The following RGPD1 variants were observed in gnomAD, a reference collection of about 807,000 sequenced individuals.
RGPD1 encodes RANBP2-like and GRIP domain-containing protein 1.
RGPD1 carries 7 observed loss-of-function variants against 40.6 expected under a neutral mutation model. The ratio of observed to expected loss-of-function variants is 0.17; its 90% confidence interval spans 0.10 to 0.32. RGPD1 has a LOEUF of 0.32. Among genes scored for constraint, RGPD1 ranks in the 10% least tolerant of loss-of-function variants. RGPD1 has a pLI of 1.00. For synonymous variants in RGPD1, 24 were observed against 167.0 expected (o/e 0.14, Z 6.60); for missense variants, 50 against 472.5 (o/e 0.11, Z 8.29).
intron 1 of RGPD1, among the ~76,000 whole-genome samples, chr2:86,942,829 C>G (rs990714468): frequency 1.3e-5 from 2 of 151,998 alleles, no homozygotes; most frequent in African/African-American, 2.4e-5. Context: ...CTTGCAAGCG[C>G]AGGAAGAGTC....
chr2:86,943,822 C>T (rs1302520551), intron 1 of RGPD1, among the ~76,000 whole-genome samples: 2 of 152,042 alleles, frequency 1.3e-5, no homozygotes, highest in African/African-American at 4.8e-5. Flanking sequence ...ACCAACCTGG[C>T]TAACATGTCG....
In RGPD1 at chr2:86,923,043, T is replaced by C. The variant is rs1324430183; in HGVS notation, c.72+9122T>C. On this transcript the variant is annotated intron_variant, in intron 1 of 22. Coordinates refer to the RGPD1 transcript ENST00000398193. ...TTCCATGGTATATTCCTTTTTTTTTTTTTTTTTTTTTTGAGACGGAGTATC... is the reference window on the plus strand; with the variant it reads ...TTCCATGGTATATTCCTTTTTTTTTCTTTTTTTTTTTTGAGACGGAGTATC... Among the ~76,000 whole-genome samples, 3 of 119,494 alleles carry C rather than the reference T, an allele frequency of 2.5e-5. 1 individual carries two copies. The highest frequency in any genetic ancestry group is 9.5e-5 in the African/African-American group (3 of 31,592). 78.4% of individuals were successfully genotyped at this position (119,494 alleles called of 152,430 possible).
At chr2:86,913,692 C>T (rs1227654886), upstream of RGPD1, 18 of 1,321,894 alleles carry the variant, frequency 1.4e-5, no homozygotes, top group South Asian at 1.1e-4. Flanking sequence ...GCGCCGACGT[C>T]GCCAAGGATA....
At position 86,962,549 on chromosome 2, in the gene RGPD1, G is replaced by A. The variant is rs1474811789; in HGVS notation, c.780-480G>A. Among the ~76,000 whole-genome samples, 203 of 117,074 alleles carry A rather than the reference G, an allele frequency of 1.7e-3. 1 individual carries two copies. The highest frequency in any genetic ancestry group is 8.1e-3 in the African/African-American group (194 of 23,966). The allele number at this position is 117,074 out of a possible 152,430, so 76.8% of individuals were successfully genotyped here. A position where few individuals can be genotyped will look rare whatever the true frequency, so the allele number is the denominator to read the frequency against. ...AAAAAAAAAAGACAATTTATTTAAC[G>A]CTGTAATGATCTATATAGTAAAAAG... On this transcript the variant is annotated intron_variant, in intron 6 of 22. Coordinates refer to ENST00000641458, the MANE Select transcript of RGPD1 (RefSeq NM_001382344.1).
chr2:86,931,888 GGTA>G (rs1678994926), intron 1 of RGPD1, among the ~76,000 whole-genome samples: 2 of 147,730 alleles, frequency 1.4e-5, no homozygotes, highest in Admixed American at 6.8e-5. Context: ...AACTTCATTT[GGTA>G]GTTAGACATA....
chr2:86,915,073 A>G (rs1172593032), intron 1 of RGPD1, among the ~76,000 whole-genome samples: 1 of 149,858 alleles, frequency 6.7e-6, no homozygotes, highest in African/African-American at 2.4e-5. Context: ...AGGCAGGTGG[A>G]TCGCTTGAGG....
upstream of RGPD1, among the ~76,000 whole-genome samples, chr2:86,937,369 G>A (rs1256790309): frequency 2.0e-5 from 3 of 151,830 alleles, no homozygotes; most frequent in Non-Finnish European, 2.9e-5. Context: ...TAGCCAAATT[G>A]TCTTTTCTTT....
At chr2:86,913,671 G>A (rs1385898037), upstream of RGPD1, 56 of 1,293,574 alleles carry the variant, frequency 4.3e-5, 5 homozygotes, top group South Asian at 5.7e-4. Flanking sequence ...GCCCGGCCGA[G>A]TGCAGCTGGA....
At chr2:86,925,170 A>G (rs1167965074) in intron 1 of RGPD1, among the ~76,000 whole-genome samples, 1 of 152,190 alleles carries the variant, frequency 6.6e-6, no homozygotes, top group East Asian at 1.9e-4. Context: ...TCTAGACATG[A>G]GTTCTTGACC....
At chr2:86,918,690 A>T (rs1677915261) in intron 1 of RGPD1, among the ~76,000 whole-genome samples, 1 of 145,814 alleles carries the variant, frequency 6.9e-6, no homozygotes, top group African/African-American at 2.6e-5. Flanking sequence ...CGATCTCCTG[A>T]CCTCGTGATC....
chr2:86,932,106 G>GA (rs1415511599), intron 1 of RGPD1, among the ~76,000 whole-genome samples: 5 of 139,950 alleles, frequency 3.6e-5, no homozygotes, highest in African/African-American at 1.3e-4. Context: ...AGCTGAGTGA[G>GA]AACCACAGCC....
At position 87,013,446 on chromosome 2, in the gene RGPD1, T is replaced by C. The variant is rs573389705; in HGVS notation, c.*899T>C. ...TCAGACAGGGGGGTTACAGGAAATA[T>C]TCAAGTAAACAATATAAAATGAGAT... On this transcript the variant is annotated 3_prime_UTR_variant, in exon 23 of 23. Coordinates refer to ENST00000641458, the MANE Select transcript of RGPD1 (RefSeq NM_001382344.1). 2.5e-5 allele frequency: 4 copies of C among 157,790 alleles called. No homozygotes were observed. The highest frequency in any genetic ancestry group is 9.8e-5 in the South Asian group (1 of 10,252). The allele number at this position is 157,790 out of a possible 1,614,324, so 9.8% of individuals were successfully genotyped here.
intron 1 of RGPD1, among the ~76,000 whole-genome samples, chr2:86,918,708 C>T (rs1443238007): frequency 6.9e-6 from 1 of 145,228 alleles, no homozygotes; most frequent in African/African-American, 2.6e-5. Context: ...ATCTGCCCGT[C>T]TCAGCCTCCC....
At chr2:86,924,445 A>G (rs1678306143) in intron 1 of RGPD1, among the ~76,000 whole-genome samples, 1 of 150,858 alleles carries the variant, frequency 6.6e-6, no homozygotes, top group African/African-American at 2.4e-5. Context: ...GTGAGCCACC[A>G]TGCCCGGCCC....
chr2:86,924,457 T>G (rs1678307884), intron 1 of RGPD1, among the ~76,000 whole-genome samples: 1 of 150,722 alleles, frequency 6.6e-6, no homozygotes, highest in Non-Finnish European at 1.5e-5. Flanking sequence ...GCCCGGCCCG[T>G]GGACATACAT....
intron 1 of RGPD1, chr2:86,934,720 A>AAG (rs1679225359): frequency 4.9e-6 from 1 of 205,826 alleles, no homozygotes; most frequent in Non-Finnish European, 9.8e-6. Context: ...CTTAATGGTC[A>AAG]ACCACTTGGC....
At chr2:86,925,391 CG>C (rs1678408397) in intron 1 of RGPD1, among the ~76,000 whole-genome samples, 2 of 150,790 alleles carry the variant, frequency 1.3e-5, no homozygotes, top group African/African-American at 4.9e-5. Flanking sequence ...CTCAGCCTCC[CG>C]AGTAGCTGGG....
chr2:86,944,195 C>G (rs1680156643), intron 1 of RGPD1, among the ~76,000 whole-genome samples: 2 of 152,172 alleles, frequency 1.3e-5, no homozygotes, highest in South Asian at 4.2e-4. Context: ...GGTAGTGCAG[C>G]AGAATTTTGG....
intron 1 of RGPD1, among the ~76,000 whole-genome samples, chr2:86,923,416 T>G (rs1423258561): frequency 6.6e-6 from 1 of 151,766 alleles, no homozygotes; most frequent in Non-Finnish European, 1.5e-5. Flanking sequence ...AAATACATCT[T>G]GAGTTTACAG....
Sources: allele counts gnomAD v4.1 joint callset (sites outside exome capture counted in the v4.1 genomes callset), GRCh38; gene constraint gnomAD v4.1.1; transcripts MANE v1.5; gene names NCBI Gene and HGNC (gene_info 2026-07-23, HGNC 2026-07-21).